UBTD2: variants seen among roughly 807,000 people sequenced by gnomAD.
The protein encoded by UBTD2 is ubiquitin domain containing 2.
Under a neutral mutation model 19.8 loss-of-function variants are expected in UBTD2, and 9 were observed. That is an observed-to-expected ratio of 0.46 (90% CI 0.27 to 0.79). UBTD2 has a LOEUF of 0.79. Among genes scored for constraint, UBTD2 ranks in the 30% least tolerant of loss-of-function variants. The pLI, the probability that UBTD2 is intolerant of heterozygous loss-of-function variation, is 0.14. For synonymous variants in UBTD2, 98 were observed against 103.9 expected, an observed-to-expected ratio of 0.94 and a Z score of 0.35; for missense variants, 250 against 300.4, an observed-to-expected ratio of 0.83 and a Z score of 1.24.
At chr5:172,231,754 T>A (rs1771905423) in intron 2 of UBTD2, among the ~76,000 whole-genome samples, 1 of 152,130 alleles carries the variant, frequency 6.6e-6, no homozygotes, top group East Asian at 1.9e-4. Context: ...AAAACATATA[T>A]TTTCCTTGAA....
intron 2 of UBTD2, among the ~76,000 whole-genome samples, chr5:172,223,586 CAAAAAAAAAAAAAAAAAAA>C (rs577474758): frequency 2.1e-4 from 7 of 33,122 alleles, no homozygotes; most frequent in African/African-American, 3.9e-4. Flanking sequence ...GCGACGGAGT[CAAAAAAAAAAAAAAAAAAA>C]AAAAAAAAAA....
intron 2 of UBTD2, among the ~76,000 whole-genome samples, chr5:172,230,057 G>C (rs1771858440): frequency 6.6e-6 from 1 of 152,158 alleles, no homozygotes; most frequent in Non-Finnish European, 1.5e-5. Flanking sequence ...CAGGAAAACT[G>C]AAAGGTATCA....
At chr5:172,274,435 G>A (rs561124486) in intron 1 of UBTD2, among the ~76,000 whole-genome samples, 1 of 152,044 alleles carries the variant, frequency 6.6e-6, no homozygotes, top group African/African-American at 2.4e-5. Flanking sequence ...CACTGCACCT[G>A]GCTGTTTTAC....
At chr5:172,246,804 C>T (rs543438357) in intron 1 of UBTD2, among the ~76,000 whole-genome samples, 18 of 132,102 alleles carry the variant, frequency 1.4e-4, no homozygotes, top group Non-Finnish European at 2.2e-4. Flanking sequence ...TGCTCTGTCA[C>T]CCAGGCTGGA....
At chr5:172,255,496 GC>G (rs1383799065) in intron 1 of UBTD2, 5 of 342,524 alleles carry the variant, frequency 1.5e-5, no homozygotes, top group Admixed American at 3.0e-5. Context: ...TAGGGACGCC[GC>G]CCACGAGAAA....
At chr5:172,265,576 G>A (rs571209852) in intron 1 of UBTD2, among the ~76,000 whole-genome samples, 93 of 152,178 alleles carry the variant, frequency 6.1e-4, no homozygotes, top group Admixed American at 1.2e-3. Context: ...TGATCCGACC[G>A]CCTCGGCCTC....
At chr5:172,229,234 C>T (rs1175561258) in intron 2 of UBTD2, among the ~76,000 whole-genome samples, 2 of 151,904 alleles carry the variant, frequency 1.3e-5, no homozygotes, top group South Asian at 2.1e-4. Context: ...GGCGCGGTGG[C>T]TCACGCCTGT....
At chr5:172,243,902 A>G (rs1772183587) in intron 1 of UBTD2, among the ~76,000 whole-genome samples, 1 of 152,080 alleles carries the variant, frequency 6.6e-6, no homozygotes, top group Admixed American at 6.6e-5. Context: ...ACAGAGTTAT[A>G]TGGCTGAAAC....
intron 1 of UBTD2, among the ~76,000 whole-genome samples, chr5:172,281,616 T>C (rs1225363291): frequency 6.7e-6 from 1 of 149,662 alleles, no homozygotes; most frequent in Non-Finnish European, 1.5e-5. Flanking sequence ...TTCCCAACAA[T>C]CTACTTATTA....
rs1755242368 is a variant in UBTD2 at position 172,260,347 on chromosome 5, T to C, written c.70+23249A>G. On this transcript the variant is annotated intron_variant, in intron 1 of 2. Transcript: ENST00000393792. ...CTTCGAGCAATTATGAAACTTCCTA[T>C]AGATAAGACTGTTAGTATCCATCCT... Among the ~76,000 whole-genome samples, 2 of 152,152 alleles carry C rather than the reference T, an allele frequency of 1.3e-5. 1 individual carries two copies. Among genetic ancestry groups the C allele is most frequent in the Middle Eastern group, 6.3e-3 (2 of 316 alleles).
At chr5:172,246,894 G>A (rs1490653559) in intron 1 of UBTD2, among the ~76,000 whole-genome samples, 1 of 148,702 alleles carries the variant, frequency 6.7e-6, no homozygotes, top group East Asian at 2.0e-4. Flanking sequence ...CTCCCAAGTA[G>A]CTGGGATTGC....
intron 1 of UBTD2, among the ~76,000 whole-genome samples, chr5:172,263,123 G>C (rs1755306140): frequency 6.6e-6 from 1 of 151,902 alleles, no homozygotes; most frequent in South Asian, 2.1e-4. Context: ...TACAGACAGG[G>C]TTTCGCCATG....
At chr5:172,281,320 AC>A (rs1223217130) in intron 1 of UBTD2, among the ~76,000 whole-genome samples, 1 of 152,112 alleles carries the variant, frequency 6.6e-6, no homozygotes, top group Non-Finnish European at 1.5e-5. Flanking sequence ...ACACGGCAAA[AC>A]CCACCTCTAC....
intron 1 of UBTD2, chr5:172,254,617 C>G (rs1478230565): frequency 1.1e-5 from 7 of 645,370 alleles, no homozygotes; most frequent in Non-Finnish European, 1.7e-5. Flanking sequence ...TTGTTGCATC[C>G]ATCGTAATCA....
chr5:172,252,407 C>CTT (rs1755043011), intron 1 of UBTD2: 3 of 152,168 alleles, frequency 2.0e-5, no homozygotes, highest in Admixed American at 2.0e-4. Flanking sequence ...GCCCAGGGGA[C>CTT]TGAAGCCTTT....
chr5:172,234,270 C>T lies in UBTD2; in HGVS notation c.159G>A (p.Lys53=). 6.2e-7 allele frequency: 1 copy of T among 1,614,224 alleles called. No individual in the cohort carries two copies. Among genetic ancestry groups the T allele is most frequent in the South Asian group, 1.1e-5 (1 of 91,092 alleles). ...YPMTDGQLRS[K]RDEFWDTAPA... ...GTGCTGTATCCCAAAATTCATCCCT[C>T]TTGCTGCGTAGTTGTCCATCTGTCA... Residue 53 remains lysine (K), a synonymous_variant, in exon 2 of 3, where the codon AAG becomes AAA. Coordinates refer to ENST00000393792, the MANE Select transcript of UBTD2 (RefSeq NM_152277.3).
intron 1 of UBTD2, among the ~76,000 whole-genome samples, chr5:172,257,190 C>G (rs916895656): frequency 6.6e-6 from 1 of 152,150 alleles, no homozygotes; most frequent in African/African-American, 2.4e-5. Flanking sequence ...CTTGCGTTTA[C>G]GTGTACTCAA....
intron 1 of UBTD2, among the ~76,000 whole-genome samples, chr5:172,265,892 A>G (rs908472973): frequency 2.0e-5 from 3 of 151,702 alleles, no homozygotes; most frequent in Admixed American, 2.0e-4. Flanking sequence ...GGGGCATGCT[A>G]GTTTTAAGAA....
intron 1 of UBTD2, among the ~76,000 whole-genome samples, chr5:172,270,250 T>C (rs1755457996): frequency 6.6e-6 from 1 of 151,728 alleles, no homozygotes; most frequent in South Asian, 2.1e-4. Context: ...GCCTGCCTAA[T>C]TTTTAATTTA....
Sources: allele counts gnomAD v4.1 joint callset (sites outside exome capture counted in the v4.1 genomes callset), GRCh38; gene constraint gnomAD v4.1.1; transcripts MANE v1.5; gene names NCBI Gene and HGNC (gene_info 2026-07-23, HGNC 2026-07-21).